Variants in COL22A1 observed in about 807,000 individuals in gnomAD.
COL22A1 encodes collagen alpha-1(XXII) chain.
Under a neutral mutation model 248.9 loss-of-function variants are expected in COL22A1, and 221 were observed. The ratio of observed to expected loss-of-function variants is 0.89; its 90% CI spans 0.80 to 0.99. The LOEUF (loss-of-function observed/expected upper bound fraction) is 0.99, where lower values mean the gene tolerates loss of function less well. Ranked by LOEUF, COL22A1 falls within the 50% of genes least tolerant of loss-of-function variation. COL22A1 has a pLI of 0.00. For missense variants in COL22A1, 2,240 were observed against 2,179.0 expected (o/e 1.03, Z -0.56); for synonymous variants, 891 against 793.4 (o/e 1.12, Z -2.07).
chr8:138,700,837 T>G (rs1827900487), intron 31 of COL22A1, among the ~76,000 whole-genome samples: 1 of 151,858 alleles, frequency 6.6e-6, no homozygotes. Context: ...TACAAAAAAT[T>G]AGCTAGGCGT....
intron 16 of COL22A1, among the ~76,000 whole-genome samples, chr8:138,772,237 G>A (rs2131466946): frequency 6.6e-6 from 1 of 152,368 alleles, no homozygotes; most frequent in South Asian, 2.1e-4. Context: ...ACAGAGGACT[G>A]GCCACGGGCC....
chr8:138,595,425 A>AAAGC (rs1817444967), intron 62 of COL22A1, among the ~76,000 whole-genome samples: 4 of 151,966 alleles, frequency 2.6e-5, no homozygotes, highest in Admixed American at 6.6e-5. Flanking sequence ...AAATCCCCCA[A>AAAGC]AAGCAAAGGT....
rs2001964 is a variant in COL22A1 at position 138,828,643 on chromosome 8, A to T, written c.846-1862T>A. 9.2e-3 allele frequency among the ~76,000 whole-genome samples: 1,401 copies of T among 152,152 alleles called. 65 individuals carry two copies. In the East Asian group the frequency reaches 0.14, roughly 15 times the overall value. On this transcript the variant is annotated intron_variant, in intron 5 of 64. Transcript: ENST00000303045. ...ATTGCCTAATTTCTTCCTCACGAGAATCTATAAAGAAGGTATTAAAGGCGT... is the reference window on the plus strand; with the variant it reads ...ATTGCCTAATTTCTTCCTCACGAGATTCTATAAAGAAGGTATTAAAGGCGT...
intron 37 of COL22A1, 148 bp downstream of exon 37, chr8:138,688,769 T>C: frequency 1.5e-6 from 1 of 661,880 alleles, no homozygotes; most frequent in African/African-American, 1.8e-5. Flanking sequence ...GCCAATGGGA[T>C]GGCACAGTCT....
At chr8:138,652,436 C>G (rs1822824251) in intron 45 of COL22A1, among the ~76,000 whole-genome samples, 1 of 152,170 alleles carries the variant, frequency 6.6e-6, no homozygotes, top group Non-Finnish European at 1.5e-5. Flanking sequence ...ATTTTCCTCC[C>G]TAAATCTGTG....
At chr8:138,726,878 T>C (rs1830358793) in intron 23 of COL22A1, among the ~76,000 whole-genome samples, 1 of 152,018 alleles carries the variant, frequency 6.6e-6, no homozygotes, top group Non-Finnish European at 1.5e-5. Flanking sequence ...TGGAAGTAAC[T>C]GAAGGAGCAC....
intron 3 of COL22A1, among the ~76,000 whole-genome samples, chr8:138,847,656 A>G (rs907453083): frequency 3.3e-5 from 5 of 152,190 alleles, no homozygotes; most frequent in Non-Finnish European, 7.3e-5. Context: ...CCTTGATGTA[A>G]GGGATAGATA....
At position 138,899,970 on chromosome 8, in the gene COL22A1, C is replaced by T. The variant is rs137991980; in HGVS notation, c.-73+13649G>A. ...GTAGACTGCAGGGTACCAGATATGG[C>T]GAAGGTATGATGATGCAGATGATAT... On this transcript the variant is annotated intron_variant, in intron 1 of 64. Transcript: ENST00000303045. Among the ~76,000 whole-genome samples, 1,303 of 152,186 alleles carry T rather than the reference C, an allele frequency of 8.6e-3. 26 individuals are homozygous for T. Among genetic ancestry groups the T allele is most frequent in the African/African-American group, 0.03 (1,233 of 41,514 alleles).
intron 60 of COL22A1, among the ~76,000 whole-genome samples, chr8:138,600,780 C>T (rs1022477787): frequency 5.9e-5 from 9 of 152,134 alleles, no homozygotes; most frequent in African/African-American, 1.4e-4. Flanking sequence ...ATTTTCCAAG[C>T]GTGATGCATT....
intron 4 of COL22A1, among the ~76,000 whole-genome samples, chr8:138,841,717 C>T (rs1405954703): frequency 6.6e-6 from 1 of 152,118 alleles, no homozygotes; most frequent in Non-Finnish European, 1.5e-5. Context: ...TGGAGGTTGA[C>T]ATGCTGATTA....
In COL22A1 at chr8:138,870,597, G is replaced by A. The variant is rs181412614; in HGVS notation, c.658+7153C>T. On this transcript the variant is annotated intron_variant, in intron 3 of 64. Transcript: ENST00000303045. ...GACTGTAAATGGTGTTTGTGCATGT[G>A]TTCATGTATGTGTGTGATATGTCTA... is the stretch of plus-strand genomic sequence containing the variant. Among the ~76,000 whole-genome samples, 789 of 151,986 alleles carry A rather than the reference G, an allele frequency of 5.2e-3. 6 individuals carry two copies. The highest frequency in any genetic ancestry group is 0.018 in the African/African-American group (739 of 41,424).
Position 138,775,617 on chromosome 8 carries a change from G to A in COL22A1, c.1803+349C>T, listed in dbSNP as rs540951990. 1.1e-4 allele frequency among the ~76,000 whole-genome samples: 16 copies of A among 152,244 alleles called. No individual in the cohort carries two copies. The South Asian group carries it at 2.3e-3, about 22-fold the overall frequency. ...TTATGTAACTTGCCAAGTAAGATACGAGTCCTCTGAGGCAGCAACTGGGAC... is the reference window on the plus strand; with the variant it reads ...TTATGTAACTTGCCAAGTAAGATACAAGTCCTCTGAGGCAGCAACTGGGAC... On this transcript the variant is annotated intron_variant, in intron 16 of 64. Coordinates refer to ENST00000303045, the MANE Select transcript of COL22A1 (RefSeq NM_152888.3).
At chr8:138,837,001 G>A (rs1021204847) in intron 4 of COL22A1, among the ~76,000 whole-genome samples, 8 of 152,218 alleles carry the variant, frequency 5.3e-5, no homozygotes, top group Non-Finnish European at 1.0e-4. Flanking sequence ...CTGGGACAGT[G>A]AGGAAGTTAT....
chr8:138,648,959 C>T (rs1186744528), intron 46 of COL22A1, among the ~76,000 whole-genome samples: 1 of 152,238 alleles, frequency 6.6e-6, no homozygotes, highest in East Asian at 1.9e-4. Context: ...CTTACCATCT[C>T]TTAGCAGATT....
intron 24 of COL22A1, 88 bp from the exon 25 acceptor site, chr8:138,724,756 C>T: frequency 7.4e-7 from 1 of 1,351,120 alleles, no homozygotes; most frequent in South Asian, 1.2e-5. Flanking sequence ...TGGGCCCAGG[C>T]CTCTGGGTCT....
intron 41 of COL22A1, among the ~76,000 whole-genome samples, chr8:138,669,567 T>G (rs1824830238): frequency 6.6e-6 from 1 of 152,164 alleles, no homozygotes; most frequent in Non-Finnish European, 1.5e-5. Flanking sequence ...CAGGGCAAGA[T>G]CAACGCAGGT....
At chr8:138,593,102 C>A (rs947981537) in intron 63 of COL22A1, among the ~76,000 whole-genome samples, 1 of 152,090 alleles carries the variant, frequency 6.6e-6, no homozygotes, top group African/African-American at 2.4e-5. Flanking sequence ...TGATTCTCAG[C>A]AAACTAACAC....
At chr8:138,880,525 A>T (rs1458839605) in intron 2 of COL22A1, among the ~76,000 whole-genome samples, 1 of 152,244 alleles carries the variant, frequency 6.6e-6, no homozygotes, top group Non-Finnish European at 1.5e-5. Context: ...ATTTACACAC[A>T]TACTCCCACA....
At chr8:138,613,779 A>C in intron 56 of COL22A1, 88 bp downstream of exon 56, 3 of 1,170,110 alleles carry the variant, frequency 2.6e-6, no homozygotes, top group Non-Finnish European at 2.6e-6. Context: ...CAATATATAC[A>C]GTGGCACCAG....
Sources: allele counts gnomAD v4.1 joint callset (sites outside exome capture counted in the v4.1 genomes callset), GRCh38; gene constraint gnomAD v4.1.1; transcripts MANE v1.5; gene names NCBI Gene and HGNC (gene_info 2026-07-23, HGNC 2026-07-21).